Variants in PRDM16 observed in about 807,000 individuals in gnomAD.
PRDM16 encodes the protein PR/SET domain 16.
PRDM16 carries 23 observed loss-of-function variants against 110.6 expected under a neutral mutation model. That is an observed-to-expected ratio of 0.21 (90% CI 0.15 to 0.29). PRDM16 has a LOEUF of 0.29. Among genes scored for constraint, PRDM16 ranks in the 10% least tolerant of loss-of-function variants. The pLI is 1.00. For synonymous variants in PRDM16, 799 were observed against 781.8 expected (o/e 1.02, Z -0.37); for missense variants, 1,615 against 1,794.3 (o/e 0.90, Z 1.81).
intron 3 of PRDM16, among the ~76,000 whole-genome samples, chr1:3,371,192 TCCATCCATCCATCCAC>T (rs1221011923): frequency 0.061 from 6,725 of 110,744 alleles, 495 homozygotes; most frequent in African/African-American, 0.24. Flanking sequence ...CATCCATCCA[TCCATCCATCCATCCAC>T]CCACCCACCC....
rs892277036 is a variant in PRDM16, at chr1:3,243,492, G to A, written c.388-595G>A. 2.6e-5 allele frequency among the ~76,000 whole-genome samples: 4 copies of A among 151,988 alleles called. No individual in the cohort carries two copies. The highest frequency in any genetic ancestry group is 6.5e-5 in the Admixed American group (1 of 15,270). On this transcript the variant is annotated intron_variant, in intron 2 of 16. Transcript: ENST00000270722. The surrounding 1 kb of genome is among the most constrained non-coding windows in gnomAD (Gnocchi z 5.5). ...CCTCTGCCCCTGCCTCTGGCCGCCC[G>A]CCGCTGTCTCCTGGGACCGCTGGGC...
intron 3 of PRDM16, among the ~76,000 whole-genome samples, chr1:3,369,846 T>C (rs1048296887): frequency 1.3e-5 from 2 of 152,238 alleles, no homozygotes; most frequent in Non-Finnish European, 2.9e-5. Context: ...CATTTTTGTA[T>C]GTCAAAGAGC....
intron 1 of PRDM16, among the ~76,000 whole-genome samples, chr1:3,177,996 A>G (rs750946264): frequency 6.6e-6 from 1 of 152,186 alleles, no homozygotes; most frequent in Non-Finnish European, 1.5e-5. Flanking sequence ...GGCAGACGCC[A>G]GGCCGCGGCG....
intron 3 of PRDM16, among the ~76,000 whole-genome samples, chr1:3,346,843 G>A (rs1642372560): frequency 6.6e-6 from 1 of 152,206 alleles, no homozygotes; most frequent in African/African-American, 2.4e-5. Flanking sequence ...CGGAATGAGT[G>A]ACCATGCAAC....
At chr1:3,365,566 C>T (rs1366932491) in intron 3 of PRDM16, among the ~76,000 whole-genome samples, 2 of 152,200 alleles carry the variant, frequency 1.3e-5, no homozygotes, top group Non-Finnish European at 2.9e-5. Context: ...GTTGGTGGTG[C>T]CCCCAGAGTC....
At chr1:3,311,898 G>A (rs1641470270) in intron 3 of PRDM16, among the ~76,000 whole-genome samples, 1 of 152,194 alleles carries the variant, frequency 6.6e-6, no homozygotes, top group Non-Finnish European at 1.5e-5. Context: ...AGCTGCCAGT[G>A]CCTCACAGTC....
At chr1:3,418,125 G>A in intron 11 of PRDM16, 128 bp downstream of exon 11, 1 of 765,810 alleles carries the variant, frequency 1.3e-6, no homozygotes, top group Non-Finnish European at 2.1e-6. Context: ...ACTGCAATCA[G>A]CTGGTTATCT....
chr1:3,428,210 G>A lies in PRDM16; in HGVS notation c.3284+1985G>A, dbSNP rs538921470. On this transcript the variant is annotated intron_variant, in intron 14 of 16. Coordinates refer to ENST00000270722, the MANE Select transcript of PRDM16 (RefSeq NM_022114.4). ...ACCCACCAGGACCCCGAGCTAGGGT[G>A]CAGCCCGGCCGCACTGCAGGAGACC... Among the ~76,000 whole-genome samples, 15 of 147,284 alleles carry A rather than the reference G, an allele frequency of 1.0e-4. 1 individual carries two copies. The East Asian group carries it at 2.5e-3, about 24-fold the overall frequency.
rs1220568010 is a variant in PRDM16 at position 3,404,861 on chromosome 1, G to A, written c.1007G>A (p.Arg336His). 7.4e-6 allele frequency: 12 copies of A among 1,613,172 alleles called. No individual in the cohort carries two copies. The highest frequency in any genetic ancestry group is 2.2e-5 in the East Asian group (1 of 44,886). Reference protein sequence around the residue: ...RHQMSHDSGKRFECENCVKVF... With the variant: ...RHQMSHDSGKHFECENCVKVF... ...CAGATGTCCCACGACAGCGGCAAAC[G>A]CTTCGAATGTGAAAACTGCGTGAAG... Residue 336 changes from arginine (R) to histidine (H), a missense_variant, in exon 7 of 17, where the codon CGC (arginine) becomes CAC (histidine). Arg to His is a conservative substitution (Grantham distance 29). Coordinates refer to ENST00000270722, the MANE Select transcript of PRDM16 (RefSeq NM_022114.4).
At chr1:3,111,897 C>T (rs1270795011) in intron 1 of PRDM16, among the ~76,000 whole-genome samples, 2 of 152,228 alleles carry the variant, frequency 1.3e-5, no homozygotes, top group Non-Finnish European at 2.9e-5. Context: ...CTGCGCCGCT[C>T]CCCAGCAAGA....
chr1:3,097,441 G>T (rs926672891), intron 1 of PRDM16, among the ~76,000 whole-genome samples: 1 of 152,352 alleles, frequency 6.6e-6, no homozygotes, highest in Admixed American at 6.5e-5. Flanking sequence ...CCCGTGCCCT[G>T]ACCTGGCGTC....
At chr1:3,171,692 T>C (rs1455829418) in intron 1 of PRDM16, among the ~76,000 whole-genome samples, 1 of 152,196 alleles carries the variant, frequency 6.6e-6, no homozygotes, top group Non-Finnish European at 1.5e-5. Flanking sequence ...TTCTGGGTTC[T>C]GGTTGGCTCC....
chr1:3,429,372 G>T (rs562655147), intron 14 of PRDM16, among the ~76,000 whole-genome samples: 1 of 152,272 alleles, frequency 6.6e-6, no homozygotes, highest in Non-Finnish European at 1.5e-5. Flanking sequence ...TGCATGGGGG[G>T]TGTGCAGCAG....
chr1:3,428,834 T>G (rs1638689993), intron 14 of PRDM16, among the ~76,000 whole-genome samples: 1 of 152,224 alleles, frequency 6.6e-6, no homozygotes, highest in African/African-American at 2.4e-5. Flanking sequence ...TAAGGAGGGA[T>G]TAAGCAGAGG....
intron 3 of PRDM16, among the ~76,000 whole-genome samples, chr1:3,305,605 C>T (rs541319092): frequency 1.1e-4 from 17 of 151,476 alleles, no homozygotes; most frequent in African/African-American, 2.9e-4. Flanking sequence ...TAAAATCCTT[C>T]GTGGAGTCAA....
chr1:3,112,991 C>T (rs1642830998), intron 1 of PRDM16, among the ~76,000 whole-genome samples: 1 of 152,270 alleles, frequency 6.6e-6, no homozygotes, highest in Admixed American at 6.5e-5. Context: ...GCTCCCTGTG[C>T]CATGCAAGTC....
Position 3,359,956 on chromosome 1 carries a change from A to G in PRDM16, c.439-25196A>G, listed in dbSNP as rs1642682909. ...CTCACAGAAGGCCGCCCGGCTCAGA[A>G]CAGGTCCCTTCAGCCGGCTCAGCAG... On this transcript the variant is annotated intron_variant, in intron 3 of 16. Transcript: ENST00000270722. This position sits in a 1 kb window ranked among gnomAD's most constrained non-coding sequence, Gnocchi z 4.3. 1.3e-5 allele frequency among the ~76,000 whole-genome samples: 2 copies of G among 152,242 alleles called. No homozygotes were observed. The highest frequency in any genetic ancestry group is 1.5e-5 in the Non-Finnish European group (1 of 68,048).
chr1:3,112,311 T>A (rs186674352), intron 1 of PRDM16, among the ~76,000 whole-genome samples: 1 of 152,330 alleles, frequency 6.6e-6, no homozygotes, highest in South Asian at 2.1e-4. Context: ...TTCCCACTTA[T>A]ACGAAATGAT....
rs191957449 is a variant in PRDM16 at position 3,106,728 on chromosome 1, G to T, written c.37+37432G>T. On this transcript the variant is annotated intron_variant, in intron 1 of 16. Coordinates refer to ENST00000270722, the MANE Select transcript of PRDM16 (RefSeq NM_022114.4). ...CATTTGGCCAGGCCAGCATGGGGGG[G>T]AGCAGCTCCCGGCGGGCTGCCTGAG... Among the ~76,000 whole-genome samples, 290 of 152,296 alleles carry T rather than the reference G, an allele frequency of 1.9e-3. 1 individual carries two copies. Among genetic ancestry groups the T allele is most frequent in the Admixed American group, 5.6e-3 (85 of 15,310 alleles).
Sources: allele counts gnomAD v4.1 joint callset (sites outside exome capture counted in the v4.1 genomes callset), GRCh38; gene constraint gnomAD v4.1.1; non-coding constraint Gnocchi (gnomAD v3.1); transcripts MANE v1.5; gene names NCBI Gene and HGNC (gene_info 2026-07-23, HGNC 2026-07-21).